MAN1A1: variants seen among roughly 807,000 people sequenced by gnomAD.
The protein encoded by MAN1A1 is mannosyl-oligosaccharide 1,2-alpha-mannosidase IA.
A neutral mutation model predicts 70.8 loss-of-function variants in MAN1A1; 29 were observed. That is an observed-to-expected ratio of 0.41 (90% CI 0.31 to 0.56). The LOEUF (loss-of-function observed/expected upper bound fraction) is 0.56, where lower values mean the gene tolerates loss of function less well. Among genes scored for constraint, MAN1A1 ranks in the 20% least tolerant of loss-of-function variants. The pLI, the probability that MAN1A1 is intolerant of heterozygous loss-of-function variation, is 0.29. For missense variants in MAN1A1, 747 were observed against 841.3 expected, an observed-to-expected ratio of 0.89 and a Z score of 1.39; for synonymous variants, 349 against 330.1, an observed-to-expected ratio of 1.06 and a Z score of -0.62.
chr6:119,228,811 G>A (rs1208652164), intron 6 of MAN1A1, among the ~76,000 whole-genome samples: 2 of 151,996 alleles, frequency 1.3e-5, no homozygotes, highest in African/African-American at 4.8e-5. Flanking sequence ...ACAAAATATA[G>A]GCATAAAAAG....
chr6:119,208,575 A>G (rs1215210193), intron 6 of MAN1A1, among the ~76,000 whole-genome samples: 5 of 152,166 alleles, frequency 3.3e-5, no homozygotes, highest in African/African-American at 1.2e-4. Context: ...CAGACCTCAG[A>G]GCTCTGATAG....
intron 2 of MAN1A1, among the ~76,000 whole-genome samples, chr6:119,334,364 C>T (rs1450929062): frequency 6.6e-6 from 1 of 152,146 alleles, no homozygotes; most frequent in Non-Finnish European, 1.5e-5. Flanking sequence ...TGAAGTCTAA[C>T]ATGAAATACT....
At chr6:119,199,741 C>CAAA (rs11383265) in intron 8 of MAN1A1, among the ~76,000 whole-genome samples, 2 of 140,986 alleles carry the variant, frequency 1.4e-5, no homozygotes, top group Non-Finnish European at 1.5e-5. Flanking sequence ...TTCTCTCTAC[C>CAAA]AAAAAAAAAA....
intron 8 of MAN1A1, among the ~76,000 whole-genome samples, chr6:119,199,929 CA>C (rs985782951): frequency 6.9e-6 from 1 of 144,212 alleles, no homozygotes; most frequent in Non-Finnish European, 1.5e-5. Context: ...CCCTGTCCCA[CA>C]AAAAAGAAAA....
At chr6:119,182,069 C>T (rs1773166691) in intron 11 of MAN1A1, among the ~76,000 whole-genome samples, 1 of 152,096 alleles carries the variant, frequency 6.6e-6, no homozygotes. Context: ...TGATAATAGC[C>T]ATTTAAAAAG....
intron 5 of MAN1A1, among the ~76,000 whole-genome samples, chr6:119,268,032 T>C (rs1775807548): frequency 6.6e-6 from 1 of 152,182 alleles, no homozygotes; most frequent in Admixed American, 6.5e-5. Context: ...AGGTGATATG[T>C]TATCAGGAGG....
chr6:119,332,041 A>G (rs753227031), intron 2 of MAN1A1: 3 of 450,844 alleles, frequency 6.7e-6, no homozygotes, highest in African/African-American at 4.0e-5. Context: ...TCAAATACCC[A>G]TATTCTGAGA....
intron 4 of MAN1A1, among the ~76,000 whole-genome samples, chr6:119,298,554 C>G (rs1230899430): frequency 1.3e-5 from 2 of 151,024 alleles, no homozygotes; most frequent in Non-Finnish European, 3.0e-5. Flanking sequence ...ATGTTTGTTT[C>G]ATTTTTATTT....
intron 5 of MAN1A1, among the ~76,000 whole-genome samples, chr6:119,257,282 T>C (rs1562213518): frequency 6.6e-6 from 1 of 152,152 alleles, no homozygotes; most frequent in Non-Finnish European, 1.5e-5. Context: ...TTAAATAAGA[T>C]AAGCTCATGG....
chr6:119,289,059 TTATAATTA>T (rs915949117), intron 5 of MAN1A1, among the ~76,000 whole-genome samples: 73 of 43,072 alleles, frequency 1.7e-3, no homozygotes, highest in Non-Finnish European at 3.0e-3. Context: ...TCTGTGGGTA[TTATAATTA>T]TATATATATA....
chr6:119,214,089 T>G (rs898319458), intron 6 of MAN1A1, among the ~76,000 whole-genome samples: 1 of 152,096 alleles, frequency 6.6e-6, no homozygotes, highest in Non-Finnish European at 1.5e-5. Flanking sequence ...CTCAGCCTCC[T>G]GAGTAGCTGG....
intron 5 of MAN1A1, among the ~76,000 whole-genome samples, chr6:119,248,600 A>G (rs1775232075): frequency 2.0e-5 from 3 of 152,168 alleles, no homozygotes; most frequent in African/African-American, 7.2e-5. Flanking sequence ...GGAGATTTGG[A>G]TGCTACTGAT....
At position 119,178,494 on chromosome 6, in the gene MAN1A1, C is replaced by A. The variant is rs1014067897; in HGVS notation, c.*1325G>T. The A allele has an allele frequency of 3.3e-5, 5 of 151,890 alleles. No individual in the cohort carries two copies. Among genetic ancestry groups the A allele is most frequent in the Non-Finnish European group, 7.4e-5 (5 of 67,918 alleles). The allele number at this position is 151,890 out of a possible 1,614,324, so 9.4% of individuals were successfully genotyped here. On this transcript the variant is annotated 3_prime_UTR_variant, in exon 13 of 13. Coordinates refer to ENST00000368468, the MANE Select transcript of MAN1A1 (RefSeq NM_005907.4). Reference sequence around the variant, plus strand: ...TAAATATATATGTATATATAGTGGGCCAATGTAAGCAAACACAAGGTATCA... The same window carrying A: ...TAAATATATATGTATATATAGTGGGACAATGTAAGCAAACACAAGGTATCA...
intron 2 of MAN1A1, among the ~76,000 whole-genome samples, chr6:119,311,767 T>C (rs1166024810): frequency 1.3e-5 from 2 of 151,868 alleles, no homozygotes; most frequent in Non-Finnish European, 2.9e-5. Flanking sequence ...CATGATGGAG[T>C]AACTCTATTA....
At chr6:119,205,472 T>C (rs1026513049) in intron 6 of MAN1A1, among the ~76,000 whole-genome samples, 3 of 152,208 alleles carry the variant, frequency 2.0e-5, no homozygotes, top group African/African-American at 2.4e-5. Context: ...CATTCTGTAC[T>C]CTATATAACC....
At chr6:119,232,349 G>A (rs1774704754) in intron 6 of MAN1A1, among the ~76,000 whole-genome samples, 1 of 136,944 alleles carries the variant, frequency 7.3e-6, no homozygotes, top group Non-Finnish European at 1.5e-5. Flanking sequence ...CTCCAGCCTG[G>A]ACGACAGAGC....
At chr6:119,324,422 C>T (rs180751759) in intron 2 of MAN1A1, among the ~76,000 whole-genome samples, 35 of 152,148 alleles carry the variant, frequency 2.3e-4, no homozygotes, top group South Asian at 2.3e-3. Flanking sequence ...GGGGGGGAAT[C>T]GAAAGTTATA....
intron 2 of MAN1A1, among the ~76,000 whole-genome samples, chr6:119,317,866 G>A (rs1772897205): frequency 6.6e-6 from 1 of 151,540 alleles, no homozygotes; most frequent in Non-Finnish European, 1.5e-5. Flanking sequence ...ACATATTATA[G>A]GAAAATTTGT....
chr6:119,259,802 C>T (rs1307792724), intron 5 of MAN1A1, among the ~76,000 whole-genome samples: 1 of 152,102 alleles, frequency 6.6e-6, no homozygotes, highest in Non-Finnish European at 1.5e-5. Flanking sequence ...TATTTGTACA[C>T]CTTGAAACTT....
Sources: gnomAD v4.1 joint callset for allele counts (sites outside exome capture counted in the v4.1 genomes callset) on GRCh38, gnomAD v4.1.1 for gene constraint, MANE v1.5 for transcripts, NCBI Gene and HGNC (gene_info 2026-07-23, HGNC 2026-07-21) for gene names.